NMBR: variants seen among roughly 807,000 people sequenced by gnomAD.
NMBR encodes neuromedin-B receptor.
NMBR carries 16 observed loss-of-function variants against 20.5 expected under a neutral mutation model. The ratio of observed to expected loss-of-function variants is 0.78; its 90% confidence interval spans 0.53 to 1.19. The LOEUF is 1.19. Ranked by LOEUF, NMBR falls within the 50% of genes most tolerant of loss-of-function variation. NMBR has a pLI of 0.00. For missense variants in NMBR, 582 were observed against 499.1 expected (o/e 1.17, Z -1.58); for synonymous variants, 212 against 196.6 (o/e 1.08, Z -0.65).
chr6:142,093,929 T>C (rs7743509), intron 1 of NMBR, among the ~76,000 whole-genome samples: 95,908 of 149,614 alleles, frequency 0.64, 32,681 homozygotes, highest in East Asian at 0.87. Flanking sequence ...TTTCATGTGT[T>C]TTTTGGCTGC....
chr6:142,077,535 C>G (rs1776974274), intron 3 of NMBR, among the ~76,000 whole-genome samples: 1 of 152,166 alleles, frequency 6.6e-6, no homozygotes, highest in Admixed American at 6.5e-5. Context: ...ATGAATTAAT[C>G]TAACAATGCC....
rs1776912204 is a variant in NMBR, at chr6:142,075,415, A to T, written c.*233T>A. Reference sequence around the variant, plus strand: ...TACATGTGTGTGTGCAAATACATATATATACATATATGTATTATATGTAGT... The same window carrying T: ...TACATGTGTGTGTGCAAATACATATTTATACATATATGTATTATATGTAGT... On this transcript the variant is annotated 3_prime_UTR_variant, in exon 4 of 4. Transcript: ENST00000258042. 6.6e-6 allele frequency among the ~76,000 whole-genome samples: 1 copy of T among 152,106 alleles called. No individual in the cohort carries two copies. Among genetic ancestry groups the T allele is most frequent in the Non-Finnish European group, 1.5e-5 (1 of 68,014 alleles).
In NMBR at chr6:142,083,620, C is replaced by A. The variant is rs373803782; in HGVS notation, c.422+4617G>T. Among the ~76,000 whole-genome samples the A allele has an allele frequency of 3.9e-5, 6 of 152,240 alleles. No homozygotes were observed. In the East Asian group the frequency reaches 9.7e-4, roughly 25 times the overall value. Reference sequence around the variant, plus strand: ...TGAGGGCAAATTTCCCCTTCCTGTTCTCATGGTAGTGAGTGAGTTCTCATG... The same window carrying A: ...TGAGGGCAAATTTCCCCTTCCTGTTATCATGGTAGTGAGTGAGTTCTCATG... On this transcript the variant is annotated intron_variant, in intron 2 of 3. Coordinates refer to ENST00000258042, the MANE Select transcript of NMBR (RefSeq NM_002511.4).
intron 1 of NMBR, among the ~76,000 whole-genome samples, chr6:142,090,404 TAATTG>T (rs1268281708): frequency 6.6e-6 from 1 of 152,108 alleles, no homozygotes; most frequent in Non-Finnish European, 1.5e-5. Context: ...TGTCACATCA[TAATTG>T]AATTAGACAA....
In NMBR at chr6:142,088,341, G is replaced by A. The variant is rs1324288615; in HGVS notation, c.318C>T (p.Phe106=). The A allele has an allele frequency of 1.9e-6, 3 of 1,614,028 alleles. No individual in the cohort carries two copies. ...CCACCTTGCCAAACATCCACTCGTC[G>A]AAGAAGTAGCGCGAGGCGTCCACCG... ...CVPVDASRYF[F]DEWMFGKVGC... is the part of the protein sequence containing the mutation. The change falls in exon 2 of 4, where the codon TTC becomes TTT. Residue 106 remains phenylalanine, a synonymous_variant. Transcript: ENST00000258042.
intron 1 of NMBR, among the ~76,000 whole-genome samples, chr6:142,124,680 A>T (rs886120688): frequency 6.6e-6 from 1 of 151,924 alleles, no homozygotes. Flanking sequence ...TATATGTGTT[A>T]TACAACTAGA....
At chr6:142,076,927 G>A (rs972772753) in intron 3 of NMBR, among the ~76,000 whole-genome samples, 10 of 152,252 alleles carry the variant, frequency 6.6e-5, no homozygotes, top group African/African-American at 1.7e-4. Context: ...GACTGGAAAG[G>A]TTTGGGATTG....
rs774747188 is a variant in NMBR, at chr6:142,078,767, T to C, written c.559A>G (p.Ile187Val). 2.8e-5 allele frequency: 45 copies of C among 1,613,828 alleles called. No individual in the cohort carries two copies. Among genetic ancestry groups the C allele is most frequent in the Non-Finnish European group, 3.7e-5 (44 of 1,180,004 alleles). Residue 187 changes from isoleucine (I) to valine (V), a missense_variant, in exon 3 of 4, where the codon ATC (isoleucine) becomes GTC (valine). By Grantham distance (29) the Ile-to-Val change is conservative. Transcript: ENST00000258042. ...AAGCTGCTATTATCCAAGCTACTGA[T>C]GCGAGCCACTTCTGAAAACACCGCT... ...PEAVFSEVAR[I>V]SSLDNSSFTA... is the part of the protein sequence containing the mutation.
intron 1 of NMBR, among the ~76,000 whole-genome samples, chr6:142,130,600 A>G (rs1778122251): frequency 6.6e-6 from 1 of 152,156 alleles, no homozygotes; most frequent in Admixed American, 6.6e-5. Context: ...ATTACACAGA[A>G]AGCCAAAGAG....
intron 1 of NMBR, among the ~76,000 whole-genome samples, chr6:142,092,194 A>G (rs1160669890): frequency 6.6e-6 from 1 of 152,084 alleles, no homozygotes; most frequent in Non-Finnish European, 1.5e-5. Flanking sequence ...AATATATAAT[A>G]TTAAAATTAA....
At chr6:142,093,154 C>CT (rs1023540080) in intron 1 of NMBR, among the ~76,000 whole-genome samples, 20 of 150,442 alleles carry the variant, frequency 1.3e-4, no homozygotes, top group Admixed American at 2.0e-4. Context: ...AATTTTTTTT[C>CT]TTTTTTTTTA....
intron 1 of NMBR, among the ~76,000 whole-genome samples, chr6:142,145,020 T>TAAAAAAAAAAAA (rs34522158): frequency 2.0e-5 from 2 of 97,574 alleles, no homozygotes; most frequent in Non-Finnish European, 3.9e-5. Flanking sequence ...AGAACCTGTC[T>TAAAAAAAAAAAA]AAAAAAAAAA....
At chr6:142,136,406 G>C (rs1041870017) in intron 1 of NMBR, among the ~76,000 whole-genome samples, 60 of 152,184 alleles carry the variant, frequency 3.9e-4, no homozygotes, top group African/African-American at 1.4e-3. Context: ...CCCTTTGTCA[G>C]ATGAGTAGGT....
chr6:142,121,284 G>A (rs1053221656), intron 1 of NMBR, among the ~76,000 whole-genome samples: 1 of 151,784 alleles, frequency 6.6e-6, no homozygotes, highest in African/African-American at 2.4e-5. Flanking sequence ...ATTGAAATTA[G>A]GCCAAATAAT....
chr6:142,079,126 G>GAAAGAAAGAAAGAAAGA (rs11451074), intron 2 of NMBR, among the ~76,000 whole-genome samples: 10,273 of 101,524 alleles, frequency 0.1, 861 homozygotes, highest in East Asian at 0.11. Context: ...AAGAAAGAAA[G>GAAAGAAAGAAAGAAAGA]AAGAAAGAAA....
intron 1 of NMBR, among the ~76,000 whole-genome samples, chr6:142,109,423 A>G (rs542837726): frequency 2.0e-5 from 3 of 152,182 alleles, no homozygotes; most frequent in South Asian, 2.1e-4. Context: ...AAGAGAAAGA[A>G]ATACATTTCT....
chr6:142,082,787 A>T (rs1436253121), intron 2 of NMBR, among the ~76,000 whole-genome samples: 1 of 152,206 alleles, frequency 6.6e-6, no homozygotes, highest in Non-Finnish European at 1.5e-5. Context: ...TTTAATTATG[A>T]TATGTCACAT....
At chr6:142,134,969 T>G in intron 1 of NMBR, 1 of 509,284 alleles carries the variant, frequency 2.0e-6, no homozygotes, top group South Asian at 3.4e-5. Context: ...TCATTTTTAT[T>G]TAGTTTTATC....
chr6:142,111,591 G>T (rs1202424538), intron 1 of NMBR, among the ~76,000 whole-genome samples: 2 of 152,018 alleles, frequency 1.3e-5, no homozygotes, highest in African/African-American at 4.8e-5. Context: ...TCCACCCACC[G>T]GTTTCAAATA....
Sources: allele counts gnomAD v4.1 joint callset (sites outside exome capture counted in the v4.1 genomes callset), GRCh38; gene constraint gnomAD v4.1.1; transcripts MANE v1.5; gene names NCBI Gene and HGNC (gene_info 2026-07-23, HGNC 2026-07-21).